Variants in TUBGCP4 observed in about 807,000 individuals in gnomAD.
TUBGCP4 encodes gamma-tubulin complex component 4.
Under a neutral mutation model 91.6 loss-of-function variants are expected in TUBGCP4, and 54 were observed. The ratio of observed to expected loss-of-function variants is 0.59; its 90% CI spans 0.47 to 0.74. The LOEUF is 0.74. Ranked by LOEUF, TUBGCP4 falls within the 30% of genes least tolerant of loss-of-function variation. The pLI, the probability that TUBGCP4 is intolerant of heterozygous loss-of-function variation, is 0.00. For missense variants in TUBGCP4, 593 were observed against 800.9 expected, an observed-to-expected ratio of 0.74 and a Z score of 3.13; for synonymous variants, 297 against 302.8, an observed-to-expected ratio of 0.98 and a Z score of 0.20.
At chr15:43,398,309 G>A in intron 13 of TUBGCP4, 130 bp downstream of exon 13, 1 of 1,032,666 alleles carries the variant, frequency 9.7e-7, no homozygotes, top group South Asian at 2.0e-5. Flanking sequence ...CTAGTCCAGA[G>A]CCTGAGCAGG....
At position 43,409,761 on chromosome 15, in the gene TUBGCP4, C is replaced by A; in HGVS notation, c.*4547C>A. On this transcript the variant is annotated 3_prime_UTR_variant, in exon 18 of 18. Transcript: ENST00000564079. ...AAAATTCTATATTAAAAAAAAAAAC[C>A]AAGATAATAATTACTGAGTGGTTTT... The A allele has an allele frequency of 1.6e-6, 2 of 1,252,432 alleles. No individual in the cohort carries two copies. The highest frequency in any genetic ancestry group is 1.6e-5 in the African/African-American group (1 of 64,286). 77.6% of individuals were successfully genotyped at this position (1,252,432 alleles called of 1,614,324 possible).
Position 43,403,466 on chromosome 15 carries a change from G to A in TUBGCP4, c.1732-217G>A. ...TTGGAGGTTTGGTGCAGGGCTAAGA[G>A]AGTAATACTCGCTTAGCCAGGAAAG... On this transcript the variant is annotated intron_variant, in intron 15 of 17. Coordinates refer to ENST00000564079, the MANE Select transcript of TUBGCP4 (RefSeq NM_014444.5). 6.0e-6 allele frequency: 3 copies of A among 497,498 alleles called. No homozygotes were observed. The South Asian group carries it at 7.6e-5, about 13-fold the overall frequency. The allele number at this position is 497,498 out of a possible 1,614,324, so 30.8% of individuals were successfully genotyped here.
At chr15:43,377,797 T>C (rs2044231687) in intron 4 of TUBGCP4, 50 bp from the exon 5 acceptor site, 1 of 1,432,416 alleles carries the variant, frequency 7.0e-7, no homozygotes, top group African/African-American at 1.4e-5. Flanking sequence ...GTTGATTTTT[T>C]TTCCCTTACA....
At chr15:43,398,382 T>TAAAAAAAA in intron 13 of TUBGCP4, 1 of 276,620 alleles carries the variant, frequency 3.6e-6, no homozygotes, top group Non-Finnish European at 6.6e-6. Context: ...CCCCATCTCA[T>TAAAAAAAA]AAAAAAAAAA....
intron 6 of TUBGCP4, among the ~76,000 whole-genome samples, chr15:43,382,093 G>T (rs1334288968): frequency 1.3e-5 from 2 of 151,828 alleles, no homozygotes; most frequent in African/African-American, 4.8e-5. Flanking sequence ...GCGCCTGTGG[G>T]CCCAGCTACT....
At chr15:43,380,298 G>A (rs2044268609) in intron 6 of TUBGCP4, 135 bp downstream of exon 6, 7 of 768,384 alleles carry the variant, frequency 9.1e-6, no homozygotes, top group Non-Finnish European at 1.5e-5. Flanking sequence ...AAAGCTCCAT[G>A]AGCAGAGGAG....
rs1323483940 is a variant in TUBGCP4, at chr15:43,409,429, A to G, written c.*4215A>G. 1.9e-6 allele frequency: 1 copy of G among 540,490 alleles called. No individual in the cohort carries two copies. Among genetic ancestry groups the G allele is most frequent in the Non-Finnish European group, 3.3e-6 (1 of 306,044 alleles). 33.5% of individuals were successfully genotyped at this position (540,490 alleles called of 1,614,324 possible). On this transcript the variant is annotated 3_prime_UTR_variant, in exon 18 of 18. Coordinates refer to ENST00000564079, the MANE Select transcript of TUBGCP4 (RefSeq NM_014444.5). Reference sequence around the variant, plus strand: ...ACATCAATCTTCTTTTGTCCCAGCAACAGAACCATAGCCATTAACTAACCC... The same window carrying G: ...ACATCAATCTTCTTTTGTCCCAGCAGCAGAACCATAGCCATTAACTAACCC...
chr15:43,385,677 T>G, intron 7 of TUBGCP4, 114 bp from the exon 8 acceptor site: 1 of 1,112,304 alleles, frequency 9.0e-7, no homozygotes, highest in East Asian at 2.5e-5. Context: ...ACACCAGATT[T>G]GAAGTCCCTG....
Position 43,407,016 on chromosome 15 carries a change from G to T in TUBGCP4, c.*1802G>T, listed in dbSNP as rs568266984. On this transcript the variant is annotated 3_prime_UTR_variant, in exon 18 of 18. Coordinates refer to ENST00000564079, the MANE Select transcript of TUBGCP4 (RefSeq NM_014444.5). ...TTCACCTACCTTAAACTGAGTTTCT[G>T]CAAGCATAGCATTTTAGACACCCTG... is the stretch of plus-strand genomic sequence containing the variant. 226 of 236,196 alleles carry T rather than the reference G, an allele frequency of 9.6e-4. 1 individual carries two copies. Among genetic ancestry groups the T allele is most frequent in the Non-Finnish European group, 1.6e-3 (195 of 118,788 alleles). 14.6% of individuals were successfully genotyped at this position (236,196 alleles called of 1,614,324 possible). A position where few individuals can be genotyped will look rare whatever the true frequency, so the allele number is the denominator to read the frequency against.
chr15:43,385,595 T>A lies in TUBGCP4; in HGVS notation c.724-196T>A, dbSNP rs541634398. 6.4e-5 allele frequency: 38 copies of A among 595,166 alleles called. No homozygotes were observed. In the African/African-American group the frequency reaches 7.2e-4, roughly 11 times the overall value. 36.9% of individuals were successfully genotyped at this position (595,166 alleles called of 1,614,324 possible). A position where few individuals can be genotyped will look rare whatever the true frequency, so the allele number is the denominator to read the frequency against. ...AATCCCAGTATTTAAGCCACTCTTATTTCCACCATGCCACTCTGCTGCCTG... is the reference window on the plus strand; with the variant it reads ...AATCCCAGTATTTAAGCCACTCTTAATTCCACCATGCCACTCTGCTGCCTG... On this transcript the variant is annotated intron_variant, in intron 7 of 17. Transcript: ENST00000564079.
At chr15:43,387,034 A>C (rs945325892) in intron 9 of TUBGCP4, among the ~76,000 whole-genome samples, 3 of 152,248 alleles carry the variant, frequency 2.0e-5, no homozygotes, top group Non-Finnish European at 4.4e-5. Flanking sequence ...GGAATCAACT[A>C]ATTCTGACTA....
intron 9 of TUBGCP4, among the ~76,000 whole-genome samples, chr15:43,392,150 A>G (rs1243666611): frequency 6.7e-6 from 1 of 148,390 alleles, no homozygotes. Flanking sequence ...TCTGTGTTTC[A>G]TTGATATCTG....
At chr15:43,390,990 CT>C (rs887928984) in intron 9 of TUBGCP4, among the ~76,000 whole-genome samples, 8 of 147,354 alleles carry the variant, frequency 5.4e-5, no homozygotes, top group East Asian at 2.0e-4. Flanking sequence ...TAATTCTTTT[CT>C]TTTTTTTTTC....
intron 1 of TUBGCP4, 93 bp downstream of exon 1, chr15:43,371,525 G>C: frequency 1.6e-6 from 2 of 1,286,588 alleles, no homozygotes; most frequent in South Asian, 1.2e-5. Flanking sequence ...CCTAGCGAGC[G>C]GGGCTTCCAG....
In TUBGCP4 at chr15:43,398,141, G is replaced by A. The variant is rs1595496969; in HGVS notation, c.1380G>A (p.Trp460Ter). 1.2e-6 allele frequency: 2 copies of A among 1,613,892 alleles called. No homozygotes were observed. Among genetic ancestry groups the A allele is most frequent in the South Asian group, 2.2e-5 (2 of 91,066 alleles). ...AALGLSYKVQ[W>*]PLHILFTPAV... ...TAGGTCTTTCCTACAAAGTACAGTG[G>A]CCACTACATATTCTCTTCACCCCAG... Residue 460 changes from tryptophan (W) to a stop codon, truncating the protein, a stop_gained, in exon 13 of 18, where the codon TGG becomes TGA. Transcript: ENST00000564079. LOFTEE classifies it high-confidence loss of function.
At position 43,381,997 on chromosome 15, in the gene TUBGCP4, G is replaced by T. The variant is rs1468851895; in HGVS notation, c.522-1306G>T. On this transcript the variant is annotated intron_variant, in intron 6 of 17. Transcript: ENST00000564079. ...CTAGCACTTTGAGAGGCCAAGGTGG[G>T]TGGATAGCTTGAGCCTAGGAGACCA... Among the ~76,000 whole-genome samples, 4 of 152,172 alleles carry T rather than the reference G, an allele frequency of 2.6e-5. No individual in the cohort carries two copies. In the East Asian group the frequency reaches 7.7e-4, roughly 29 times the overall value.
chr15:43,384,077 G>A (rs918436753), intron 7 of TUBGCP4, among the ~76,000 whole-genome samples: 1 of 152,204 alleles, frequency 6.6e-6, no homozygotes, highest in African/African-American at 2.4e-5. Flanking sequence ...GCCTGTAAGT[G>A]TTGGGATTAC....
Position 43,398,190 on chromosome 15 carries a change from C to T in TUBGCP4, c.1418+11C>T, listed in dbSNP as rs763531629. The T allele has an allele frequency of 6.2e-7, 1 of 1,607,176 alleles. No homozygotes were observed. Among genetic ancestry groups the T allele is most frequent in the East Asian group, 2.2e-5 (1 of 44,758 alleles). Reference sequence around the variant, plus strand: ...AGCTGTCCTGGAAAAGTGAGTATTTCTGAGTTTCTCACAGGTAAATATGAC... The same window carrying T: ...AGCTGTCCTGGAAAAGTGAGTATTTTTGAGTTTCTCACAGGTAAATATGAC... On this transcript the variant is annotated intron_variant, in intron 13 of 17. Transcript: ENST00000564079.
At chr15:43,376,775 A>G in intron 3 of TUBGCP4, 150 bp downstream of exon 3, 7 of 1,185,580 alleles carry the variant, frequency 5.9e-6, no homozygotes, top group Non-Finnish European at 8.3e-6. Context: ...GTGATTGCCC[A>G]ACCTGTGATC....
Sources: allele counts gnomAD v4.1 joint callset (sites outside exome capture counted in the v4.1 genomes callset), GRCh38; gene constraint gnomAD v4.1.1; transcripts MANE v1.5; gene names NCBI Gene and HGNC (gene_info 2026-07-23, HGNC 2026-07-21).